PHACTR4: variants seen among roughly 807,000 people sequenced by gnomAD.
The protein encoded by PHACTR4 is protein phosphatase 1, regulatory subunit 124.
A neutral mutation model predicts 72.7 loss-of-function variants in PHACTR4; 51 were observed. The ratio of observed to expected loss-of-function variants is 0.70; its 90% CI spans 0.56 to 0.89. The LOEUF is 0.89. Among genes scored for constraint, PHACTR4 ranks in the 40% least tolerant of loss-of-function variants. The probability of loss-of-function intolerance (pLI) is 0.00; values close to 1 mark genes in which losing one functional copy is unlikely to be tolerated. For missense variants in PHACTR4, 731 were observed against 861.8 expected (o/e 0.85, Z 1.90); for synonymous variants, 255 against 302.5 (o/e 0.84, Z 1.63).
intron 4 of PHACTR4, among the ~76,000 whole-genome samples, chr1:28,462,003 GC>G (rs1001682747): frequency 6.7e-6 from 1 of 149,580 alleles, no homozygotes; most frequent in African/African-American, 2.5e-5. Context: ...CACCTCTTTG[GC>G]CCTTGCTTTG....
intron 2 of PHACTR4, among the ~76,000 whole-genome samples, chr1:28,412,390 T>G (rs2124305749): frequency 6.6e-6 from 1 of 152,330 alleles, no homozygotes; most frequent in African/African-American, 2.4e-5. Flanking sequence ...ACCATCATAC[T>G]TAGTATACAA....
intron 1 of PHACTR4, among the ~76,000 whole-genome samples, chr1:28,388,683 C>T (rs1314137264): frequency 6.6e-6 from 1 of 152,174 alleles, no homozygotes; most frequent in Non-Finnish European, 1.5e-5. Context: ...AACCCCGTCT[C>T]TACTAAAAAT....
chr1:28,458,220 C>T lies in PHACTR4; in HGVS notation c.17-865C>T, dbSNP rs148954624. 1.2e-3 allele frequency among the ~76,000 whole-genome samples: 184 copies of T among 151,560 alleles called. 1 individual carries two copies. The highest frequency in any genetic ancestry group is 3.4e-3 in the Middle Eastern group (1 of 294). On this transcript the variant is annotated intron_variant, in intron 2 of 13. Transcript: ENST00000373839. ...GCAGTATCTTAATCACAGCCAACTG[C>T]AGCATTGACCTCCCAGGCTCAAGCC...
intron 10 of PHACTR4, among the ~76,000 whole-genome samples, chr1:28,490,651 G>A (rs1660976511): frequency 1.3e-5 from 2 of 151,870 alleles, no homozygotes; most frequent in Non-Finnish European, 2.9e-5. Context: ...TTTGAGACCA[G>A]CCTGACCAAT....
chr1:28,420,180 T>G (rs1655420647), intron 2 of PHACTR4, among the ~76,000 whole-genome samples: 1 of 152,140 alleles, frequency 6.6e-6, no homozygotes, highest in African/African-American at 2.4e-5. Flanking sequence ...GCCTGGGAGA[T>G]TGAGGCTGCA....
intron 2 of PHACTR4, among the ~76,000 whole-genome samples, chr1:28,445,446 G>A (rs1395959989): frequency 6.6e-6 from 1 of 151,654 alleles, no homozygotes; most frequent in Non-Finnish European, 1.5e-5. Context: ...CCAACCATTT[G>A]GCTTGGAACT....
chr1:28,379,073 C>T (rs2124129094), intron 1 of PHACTR4, among the ~76,000 whole-genome samples: 1 of 152,254 alleles, frequency 6.6e-6, no homozygotes, highest in South Asian at 2.1e-4. Flanking sequence ...CTTCCTGTCT[C>T]AGCCTGCTGA....
rs1337193551 is a variant in PHACTR4, at chr1:28,497,289, A to G, written c.*740A>G. ...TAGATGAGGCCAGGCGCGGTGGCTC[A>G]CGCCTGTAATCCCAGCACTTTGGGA... On this transcript the variant is annotated 3_prime_UTR_variant, in exon 14 of 14. Coordinates refer to ENST00000373839, the MANE Select transcript of PHACTR4 (RefSeq NM_001048183.3). 1 of 152,134 alleles carries G rather than the reference A, an allele frequency of 6.6e-6. No individual in the cohort carries two copies. The highest frequency in any genetic ancestry group is 1.5e-5 in the Non-Finnish European group (1 of 68,042). The allele number at this position is 152,134 out of a possible 1,614,324, so 9.4% of individuals were successfully genotyped here.
At chr1:28,411,525 A>G (rs554676927) in intron 2 of PHACTR4, among the ~76,000 whole-genome samples, 5 of 152,180 alleles carry the variant, frequency 3.3e-5, no homozygotes, top group Non-Finnish European at 5.9e-5. Flanking sequence ...ATACATATAC[A>G]CACATATACA....
chr1:28,396,236 A>G (rs760288027), intron 1 of PHACTR4, among the ~76,000 whole-genome samples: 3 of 151,984 alleles, frequency 2.0e-5, no homozygotes, highest in Non-Finnish European at 2.9e-5. Flanking sequence ...GTGACAGATA[A>G]TAAAGATGCA....
chr1:28,460,635 A>G (rs1358171955), intron 4 of PHACTR4, among the ~76,000 whole-genome samples: 1 of 152,094 alleles, frequency 6.6e-6, no homozygotes, highest in African/African-American at 2.4e-5. Flanking sequence ...CAGCCTCCCA[A>G]GTAGCTGGGA....
chr1:28,403,919 T>C (rs1316908528), intron 1 of PHACTR4, among the ~76,000 whole-genome samples: 1 of 152,230 alleles, frequency 6.6e-6, no homozygotes, highest in Non-Finnish European at 1.5e-5. Flanking sequence ...TAATTTCTTT[T>C]TATGCTGAAT....
At chr1:28,397,827 C>G (rs1371247337) in intron 1 of PHACTR4, among the ~76,000 whole-genome samples, 1 of 151,788 alleles carries the variant, frequency 6.6e-6, no homozygotes, top group Non-Finnish European at 1.5e-5. Flanking sequence ...TCCCGAGTAG[C>G]TGGGACTACA....
chr1:28,379,107 G>T (rs114526863), intron 1 of PHACTR4, among the ~76,000 whole-genome samples: 1 of 151,804 alleles, frequency 6.6e-6, no homozygotes, highest in Non-Finnish European at 1.5e-5. Context: ...CAGGCATACC[G>T]CCATGCCTGG....
intron 1 of PHACTR4, among the ~76,000 whole-genome samples, chr1:28,377,994 G>T (rs1333798177): frequency 2.0e-5 from 3 of 150,096 alleles, no homozygotes; most frequent in African/African-American, 7.4e-5. Context: ...TCAGGAGATT[G>T]AGACCATCCT....
At chr1:28,450,850 G>T (rs1393024726) in intron 2 of PHACTR4, among the ~76,000 whole-genome samples, 1 of 151,442 alleles carries the variant, frequency 6.6e-6, no homozygotes, top group Non-Finnish European at 1.5e-5. Flanking sequence ...TTGCTCTGTG[G>T]CCCATGCTGG....
At position 28,431,463 on chromosome 1, in the gene PHACTR4, G is replaced by A. The variant is rs148698062; in HGVS notation, c.16+24000G>A. ...CTGCCTCGGCCTCCCAAAGTGCTGGGATTACAGGCGTGAGCCACCGCACCA... is the reference window on the plus strand; with the variant it reads ...CTGCCTCGGCCTCCCAAAGTGCTGGAATTACAGGCGTGAGCCACCGCACCA... On this transcript the variant is annotated intron_variant, in intron 2 of 13. Coordinates refer to ENST00000373839, the MANE Select transcript of PHACTR4 (RefSeq NM_001048183.3). Among the ~76,000 whole-genome samples, 1,350 of 149,280 alleles carry A rather than the reference G, an allele frequency of 9.0e-3. 18 individuals carry two copies. The highest frequency in any genetic ancestry group is 0.032 in the African/African-American group (1,291 of 40,874).
intron 2 of PHACTR4, chr1:28,457,300 TA>T: frequency 2.2e-6 from 1 of 448,524 alleles, no homozygotes; most frequent in Non-Finnish European, 4.5e-6. Context: ...TACCTAGTTT[TA>T]AAAGAGAGAG....
At chr1:28,438,108 T>C in intron 2 of PHACTR4, 3 of 1,050,814 alleles carry the variant, frequency 2.9e-6, no homozygotes, top group Non-Finnish European at 3.4e-6. Flanking sequence ...CTCCCCTTCC[T>C]GCACTTCAGC....
Sources: allele counts gnomAD v4.1 joint callset (sites outside exome capture counted in the v4.1 genomes callset), GRCh38; gene constraint gnomAD v4.1.1; transcripts MANE v1.5; gene names NCBI Gene and HGNC (gene_info 2026-07-23, HGNC 2026-07-21).